Variants in OSBPL8 observed in about 807,000 individuals in gnomAD.
OSBPL8 encodes the protein oxysterol binding protein like 8.
In OSBPL8, 59 loss-of-function variants were observed where a neutral mutation model predicts 125.5. That is an observed-to-expected ratio of 0.47 (90% CI 0.38 to 0.58). OSBPL8 has a LOEUF of 0.58. Ranked by LOEUF, OSBPL8 falls within the 20% of genes least tolerant of loss-of-function variation. The pLI is 0.00. For missense variants in OSBPL8, 758 were observed against 1,047.8 expected (o/e 0.72, Z 3.82); for synonymous variants, 330 against 338.9 (o/e 0.97, Z 0.29).
At chr12:76,416,939 T>C (rs1455806254) in intron 4 of OSBPL8, among the ~76,000 whole-genome samples, 1 of 152,154 alleles carries the variant, frequency 6.6e-6, no homozygotes, top group Admixed American at 6.5e-5. Flanking sequence ...GTGGTTACAC[T>C]CAGAAATTAA....
intron 1 of OSBPL8, among the ~76,000 whole-genome samples, chr12:76,494,608 A>G (rs1469201673): frequency 6.6e-6 from 1 of 152,202 alleles, no homozygotes; most frequent in East Asian, 1.9e-4. Flanking sequence ...AAAACTGAAT[A>G]TGGCGTGAGG....
chr12:76,471,394 T>G (rs963554394), intron 2 of OSBPL8, among the ~76,000 whole-genome samples: 2 of 152,162 alleles, frequency 1.3e-5, no homozygotes, highest in African/African-American at 4.8e-5. Flanking sequence ...CAGAAACCTG[T>G]AAGTCGCTCT....
chr12:76,512,546 G>A (rs140735571), intron 1 of OSBPL8, among the ~76,000 whole-genome samples: 2 of 152,184 alleles, frequency 1.3e-5, no homozygotes, highest in Non-Finnish European at 2.9e-5. Context: ...TTGTCTATGT[G>A]TCTGTTTTTC....
At chr12:76,461,614 T>C (rs567590720) in intron 2 of OSBPL8, among the ~76,000 whole-genome samples, 3 of 152,188 alleles carry the variant, frequency 2.0e-5, no homozygotes, top group African/African-American at 7.2e-5. Context: ...AATTTTTGTA[T>C]TTTTAGTAGA....
chr12:76,406,624 C>T (rs1954272602), intron 5 of OSBPL8, among the ~76,000 whole-genome samples: 1 of 152,066 alleles, frequency 6.6e-6, no homozygotes, highest in Non-Finnish European at 1.5e-5. Context: ...AGAGGAACTG[C>T]CTTATTTTTT....
At chr12:76,357,975 T>A (rs572783415) in intron 22 of OSBPL8, among the ~76,000 whole-genome samples, 1 of 152,300 alleles carries the variant, frequency 6.6e-6, no homozygotes, top group Non-Finnish European at 1.5e-5. Flanking sequence ...CAATTTAAGC[T>A]AGCAGTTGCT....
At chr12:76,535,084 C>A (rs1434525911) in intron 1 of OSBPL8, among the ~76,000 whole-genome samples, 1 of 151,720 alleles carries the variant, frequency 6.6e-6, no homozygotes, top group Non-Finnish European at 1.5e-5. Flanking sequence ...CAAAAAAATT[C>A]TTAAGATATG....
intron 1 of OSBPL8, among the ~76,000 whole-genome samples, chr12:76,515,222 TTTACTGGAGTTCTTGAG>T (rs1881416384): frequency 1.3e-5 from 2 of 152,320 alleles, no homozygotes; most frequent in Non-Finnish European, 2.9e-5. Context: ...ACTCTGGCCA[TTTACTGGAGTTCTTGAG>T]TTACTGGAGT....
At chr12:76,543,709 A>G (rs1384224817) in intron 1 of OSBPL8, among the ~76,000 whole-genome samples, 2 of 152,194 alleles carry the variant, frequency 1.3e-5, no homozygotes, top group South Asian at 2.1e-4. Context: ...AATTAAACTT[A>G]GCCATGGATA....
intron 1 of OSBPL8, among the ~76,000 whole-genome samples, chr12:76,545,038 A>T (rs1950746522): frequency 6.6e-6 from 1 of 152,176 alleles, no homozygotes; most frequent in Non-Finnish European, 1.5e-5. Context: ...AAGGTCACAC[A>T]GTTACTTACT....
intron 1 of OSBPL8, among the ~76,000 whole-genome samples, chr12:76,506,569 A>G (rs1037911956): frequency 3.3e-5 from 5 of 152,214 alleles, no homozygotes; most frequent in Non-Finnish European, 7.4e-5. Context: ...ATTACTCTAT[A>G]TATCTATGTA....
At chr12:76,547,365 G>A (rs973509706) in intron 1 of OSBPL8, among the ~76,000 whole-genome samples, 4 of 152,032 alleles carry the variant, frequency 2.6e-5, no homozygotes, top group Admixed American at 6.6e-5. Context: ...ATGAAAAGGA[G>A]TATGGGAAAA....
intron 16 of OSBPL8, among the ~76,000 whole-genome samples, chr12:76,377,868 A>G (rs1017997026): frequency 3.9e-5 from 6 of 152,162 alleles, no homozygotes; most frequent in Admixed American, 3.9e-4. Context: ...TAAAAAAGGG[A>G]ATAATAATAT....
intron 4 of OSBPL8, among the ~76,000 whole-genome samples, chr12:76,417,849 TTTG>T (rs1392129152): frequency 6.6e-6 from 1 of 152,158 alleles, no homozygotes; most frequent in African/African-American, 2.4e-5. Flanking sequence ...CTTTCTACTG[TTTG>T]TTGTTTCAGT....
intron 15 of OSBPL8, among the ~76,000 whole-genome samples, chr12:76,381,870 G>C (rs148706221): frequency 6.6e-6 from 1 of 151,998 alleles, no homozygotes; most frequent in Non-Finnish European, 1.5e-5. Context: ...AAGTAGCTGG[G>C]ATTACAGGTG....
intron 21 of OSBPL8, among the ~76,000 whole-genome samples, chr12:76,362,226 G>C (rs910768071): frequency 3.3e-5 from 5 of 151,866 alleles, no homozygotes; most frequent in African/African-American, 1.2e-4. Context: ...ACAAGGCAGA[G>C]ACACAACAAA....
intron 1 of OSBPL8, among the ~76,000 whole-genome samples, chr12:76,512,946 C>T (rs1881151667): frequency 3.3e-5 from 5 of 152,104 alleles, no homozygotes; most frequent in Admixed American, 3.3e-4. Context: ...CTTTTTGTGG[C>T]AATTGTGAAT....
rs11111242 is a variant in OSBPL8 at position 76,386,123 on chromosome 12, A to C, written c.1533+45T>G. On this transcript the variant is annotated intron_variant, in intron 14 of 23. Transcript: ENST00000261183. ...AAATATTTTCTATAAAAATATTCCA[A>C]TAACTTCCAGATCAGTTTTGTTTCC... 9.5e-4 allele frequency: 1,497 copies of C among 1,573,346 alleles called. 17 individuals are homozygous for C. In the African/African-American group the frequency reaches 0.019, roughly 20 times the overall value.
intron 5 of OSBPL8, among the ~76,000 whole-genome samples, chr12:76,406,266 T>A (rs7960738): frequency 1.3e-5 from 2 of 152,206 alleles, no homozygotes; most frequent in Non-Finnish European, 2.9e-5. Flanking sequence ...AGGATAATGA[T>A]AAGTTACTGT....
Sources: gnomAD v4.1 joint callset for allele counts (sites outside exome capture counted in the v4.1 genomes callset) on GRCh38, gnomAD v4.1.1 for gene constraint, MANE v1.5 for transcripts, NCBI Gene and HGNC (gene_info 2026-07-23, HGNC 2026-07-21) for gene names.